The following SMAD3 variants were observed in gnomAD, a reference collection of about 807,000 sequenced individuals.
SMAD3 encodes the protein SMAD family member 3.
SMAD3 carries 12 observed loss-of-function variants against 51.8 expected under a neutral mutation model. The ratio of observed to expected loss-of-function variants is 0.23; its 90% CI spans 0.15 to 0.38. SMAD3 has a LOEUF of 0.38. Ranked by LOEUF, SMAD3 falls within the 10% of genes least tolerant of loss-of-function variation. The probability of loss-of-function intolerance (pLI) is 1.00; values close to 1 mark genes in which losing one functional copy is unlikely to be tolerated. For synonymous variants in SMAD3, 238 were observed against 227.7 expected (o/e 1.05, Z -0.41); for missense variants, 294 against 565.6 (o/e 0.52, Z 4.87).
At chr15:67,186,593 G>C (rs1398169219) in intron 7 of SMAD3, 1 of 155,208 alleles carries the variant, frequency 6.4e-6, no homozygotes, top group Non-Finnish European at 1.4e-5. Flanking sequence ...TTATTTTTCT[G>C]GTTGACACAT....
intron 1 of SMAD3, among the ~76,000 whole-genome samples, chr15:67,096,044 G>A (rs1960608722): frequency 6.6e-6 from 1 of 152,172 alleles, no homozygotes; most frequent in African/African-American, 2.4e-5. Context: ...AGTAGCAGGG[G>A]CCCTGACAGT....
In SMAD3 at chr15:67,134,782, T is replaced by G. The variant is rs1362304728; in HGVS notation, c.207-30113T>G. On this transcript the variant is annotated intron_variant, in intron 1 of 8. Coordinates refer to ENST00000327367, the MANE Select transcript of SMAD3 (RefSeq NM_005902.4). ...AAGGATCATTCTGCCAATGATAACC[T>G]ATTATCGTGCAACTCTGTGCCAGGT... Among the ~76,000 whole-genome samples, 3 of 152,212 alleles carry G rather than the reference T, an allele frequency of 2.0e-5. No homozygotes were observed. The East Asian group carries it at 5.8e-4, about 29-fold the overall frequency.
intron 5 of SMAD3, among the ~76,000 whole-genome samples, chr15:67,172,945 C>T (rs1179096411): frequency 2.0e-5 from 3 of 152,188 alleles, no homozygotes; most frequent in African/African-American, 4.8e-5. Flanking sequence ...GCCTCTTCCT[C>T]ACTCCCTCAT....
intron 1 of SMAD3, among the ~76,000 whole-genome samples, chr15:67,081,291 T>C (rs1327271243): frequency 6.6e-6 from 1 of 152,186 alleles, no homozygotes; most frequent in African/African-American, 2.4e-5. Flanking sequence ...CCTGGTGTCA[T>C]GGGGATGACT....
At chr15:67,094,308 C>T (rs1035555021) in intron 1 of SMAD3, among the ~76,000 whole-genome samples, 2 of 152,210 alleles carry the variant, frequency 1.3e-5, no homozygotes, top group African/African-American at 4.8e-5. Context: ...ACCAGCTGCT[C>T]CTGTTCATCC....
intron 1 of SMAD3, among the ~76,000 whole-genome samples, chr15:67,140,687 G>A (rs538735609): frequency 1.3e-5 from 2 of 152,294 alleles, no homozygotes; most frequent in East Asian, 3.9e-4. Flanking sequence ...AACAAACGGG[G>A]GTTTGTGGTT....
intron 2 of SMAD3, 73 bp downstream of exon 2, chr15:67,165,161 C>T (rs1962545607): frequency 6.2e-7 from 1 of 1,611,780 alleles, no homozygotes; most frequent in Non-Finnish European, 8.5e-7. Flanking sequence ...CCCCATCCCC[C>T]CGAGGGTCTG....
intron 1 of SMAD3, among the ~76,000 whole-genome samples, chr15:67,130,371 G>GGCC (rs1961495739): frequency 6.6e-6 from 1 of 152,214 alleles, no homozygotes; most frequent in Non-Finnish European, 1.5e-5. Context: ...ACCCGTGTGC[G>GGCC]GCCTGTTAGG....
chr15:67,111,875 C>T (rs1303395279), intron 1 of SMAD3, among the ~76,000 whole-genome samples: 1 of 152,104 alleles, frequency 6.6e-6, no homozygotes, highest in Non-Finnish European at 1.5e-5. Flanking sequence ...GCAGCCTCTG[C>T]TTCCTGGGTT....
In SMAD3 at chr15:67,121,386, C is replaced by T. The variant is rs958859145; in HGVS notation, c.207-43509C>T. Among the ~76,000 whole-genome samples the T allele has an allele frequency of 3.6e-4, 55 of 152,142 alleles. 1 individual carries two copies. Among genetic ancestry groups the T allele is most frequent in the South Asian group, 4.2e-4 (2 of 4,810 alleles). On this transcript the variant is annotated intron_variant, in intron 1 of 8. Transcript: ENST00000327367. ...GGCATCGTGGGTGGCTCTCCCCCCA[C>T]GAGTGACTGTGCCTGGCAGGGTGTG...
chr15:67,126,335 C>A (rs763904401), intron 1 of SMAD3, among the ~76,000 whole-genome samples: 12 of 151,964 alleles, frequency 7.9e-5, no homozygotes, highest in Non-Finnish European at 1.6e-4. Flanking sequence ...GGCACTGTGC[C>A]CAGACTCTAG....
chr15:67,165,430 G>A lies in SMAD3; in HGVS notation c.532+46G>A, dbSNP rs375065340. The A allele has an allele frequency of 5.7e-4, 922 of 1,607,664 alleles. 11 individuals carry two copies. In the South Asian group the frequency reaches 9.5e-3, roughly 17 times the overall value. On this transcript the variant is annotated intron_variant, in intron 3 of 8. Coordinates refer to ENST00000327367, the MANE Select transcript of SMAD3 (RefSeq NM_005902.4). ...GGCTGGCCTGGGAGGCAGGGGCAGC[G>A]GTCAGCCCCGACATCAGTCCTGTGG...
intron 1 of SMAD3, among the ~76,000 whole-genome samples, chr15:67,117,309 G>C (rs1022456086): frequency 1.3e-5 from 2 of 152,182 alleles, no homozygotes; most frequent in Admixed American, 6.5e-5. Context: ...GATGACCCCA[G>C]GTTCTGCCTG....
intron 1 of SMAD3, among the ~76,000 whole-genome samples, chr15:67,137,184 A>C (rs2033787): frequency 0.21 from 31,746 of 152,156 alleles, 3,481 homozygotes; most frequent in East Asian, 0.35. Flanking sequence ...TTTCTGAAAA[A>C]GGACAAGGGT....
At position 67,187,519 on chromosome 15, in the gene SMAD3, G is replaced by T; in HGVS notation, c.1154+10G>T. ...GGGGAGCGGAGTACAGGTCAGTTAT[G>T]GGTGCTGCCTACATCAGGGGACCCA... On this transcript the variant is annotated intron_variant, in intron 8 of 8. Coordinates refer to ENST00000327367, the MANE Select transcript of SMAD3 (RefSeq NM_005902.4). 1 of 1,614,164 alleles carries T rather than the reference G, an allele frequency of 6.2e-7. No individual in the cohort carries two copies. Among genetic ancestry groups the T allele is most frequent in the Non-Finnish European group, 8.5e-7 (1 of 1,180,028 alleles).
intron 1 of SMAD3, among the ~76,000 whole-genome samples, chr15:67,115,267 C>T (rs567350570): frequency 7.3e-5 from 11 of 151,154 alleles, no homozygotes; most frequent in African/African-American, 2.4e-4. Context: ...TTTTTTCCCA[C>T]GGAAGCAGAA....
intron 1 of SMAD3, among the ~76,000 whole-genome samples, chr15:67,123,721 T>G (rs1372557573): frequency 6.6e-6 from 1 of 152,240 alleles, no homozygotes; most frequent in Non-Finnish European, 1.5e-5. Flanking sequence ...TAGTCTTTTT[T>G]TGACATTTCC....
At chr15:67,112,408 G>A (rs1220980653) in intron 1 of SMAD3, among the ~76,000 whole-genome samples, 1 of 129,066 alleles carries the variant, frequency 7.7e-6, no homozygotes, top group African/African-American at 3.1e-5. Flanking sequence ...TGATCCACAC[G>A]CCTTGGCCTC....
intron 1 of SMAD3, among the ~76,000 whole-genome samples, chr15:67,141,405 G>A (rs974819298): frequency 6.6e-6 from 1 of 152,164 alleles, no homozygotes; most frequent in Non-Finnish European, 1.5e-5. Flanking sequence ...TGGATGCAGT[G>A]GGAGGAACTT....
Sources: allele counts gnomAD v4.1 joint callset (sites outside exome capture counted in the v4.1 genomes callset), GRCh38; gene constraint gnomAD v4.1.1; transcripts MANE v1.5; gene names NCBI Gene and HGNC (gene_info 2026-07-23, HGNC 2026-07-21).